The following ALDH1L2 variants were observed in gnomAD, a reference collection of about 807,000 sequenced individuals.
ALDH1L2 encodes the protein mitochondrial 10-formyltetrahydrofolate dehydrogenase.
In ALDH1L2, 91 loss-of-function variants were observed where a neutral mutation model predicts 111.0. The observed-to-expected ratio is 0.82, with a 90% CI of 0.69 to 0.98. The LOEUF (loss-of-function observed/expected upper bound fraction) is 0.98, where lower values mean the gene tolerates loss of function less well. ALDH1L2 is among the 50% of genes least tolerant of loss of function. The pLI, the probability that ALDH1L2 is intolerant of heterozygous loss-of-function variation, is 0.00. For synonymous variants in ALDH1L2, 374 were observed against 392.6 expected, an observed-to-expected ratio of 0.95 and a Z score of 0.56; for missense variants, 995 against 1,126.8, an observed-to-expected ratio of 0.88 and a Z score of 1.67.
intron 10 of ALDH1L2, among the ~76,000 whole-genome samples, chr12:105,053,912 A>G (rs527715030): frequency 1.3e-5 from 2 of 151,930 alleles, no homozygotes; most frequent in African/African-American, 2.4e-5. Flanking sequence ...GTAACAGAAG[A>G]CGTATTTCAT....
rs1875949787 is a variant in ALDH1L2 at position 105,046,826 on chromosome 12, A to G, written c.1758-11T>C. On this transcript the variant is annotated splice_polypyrimidine_tract_variant and intron_variant, in intron 14 of 22. Coordinates refer to ENST00000258494, the MANE Select transcript of ALDH1L2 (RefSeq NM_001034173.4). ...ATAATGGCACAGACACTGCAGGGGA[A>G]GAAATTCGACATGCTTAGTTGTTTC... is the stretch of plus-strand genomic sequence containing the variant. The G allele has an allele frequency of 3.1e-6, 5 of 1,613,670 alleles. No homozygotes were observed. The highest frequency in any genetic ancestry group is 1.3e-5 in the African/African-American group (1 of 75,026).
chr12:105,077,302 A>C (rs1452805153), intron 1 of ALDH1L2, among the ~76,000 whole-genome samples: 1 of 148,250 alleles, frequency 6.7e-6, no homozygotes, highest in East Asian at 2.0e-4. Context: ...ACAGAGTCTC[A>C]CTGTGTCACC....
chr12:105,067,215 CAAAAAAAA>C (rs11334156), intron 4 of ALDH1L2, among the ~76,000 whole-genome samples: 61 of 97,242 alleles, frequency 6.3e-4, no homozygotes, highest in African/African-American at 2.4e-3. Context: ...GACTCTGTCT[CAAAAAAAA>C]AAAAAAAAAA....
Position 105,071,675 on chromosome 12 carries a change from G to T in ALDH1L2, c.194-871C>A, listed in dbSNP as rs1163069355. On this transcript the variant is annotated intron_variant, in intron 2 of 22. Transcript: ENST00000258494. ...TTTTTTTTTTTTTTTTTTTTTTTGT[G>T]AGACGGAGTCTCGCTCTTTCGCCCA... 5.6e-3 allele frequency among the ~76,000 whole-genome samples: 84 copies of T among 14,914 alleles called. 9 individuals carry two copies. Among genetic ancestry groups the T allele is most frequent in the African/African-American group, 0.018 (79 of 4,272 alleles). The allele number at this position is 14,914 out of a possible 152,430, so 9.8% of individuals were successfully genotyped here.
At chr12:105,035,959 G>A (rs12828369) in intron 18 of ALDH1L2, among the ~76,000 whole-genome samples, 5 of 81,920 alleles carry the variant, frequency 6.1e-5, no homozygotes, top group East Asian at 1.1e-3. Flanking sequence ...ATATATATAC[G>A]TATATTTATA....
chr12:105,066,614 T>G lies in ALDH1L2; in HGVS notation c.650A>C (p.Glu217Ala). The G allele has an allele frequency of 1.2e-6, 2 of 1,614,166 alleles. No individual in the cohort carries two copies. Among genetic ancestry groups the G allele is most frequent in the Non-Finnish European group, 1.7e-6 (2 of 1,180,012 alleles). The change falls in exon 5 of 23, where the codon GAA becomes GCA. Residue 217 changes from glutamate to alanine, a missense_variant. Transcript: ENST00000258494. The part of the protein sequence containing the change: ...DGKAPRIPQP[E>A]EGATYEGIQK... ...GATACCTTCATATGTTGCCCCTTCT[T>G]CTGGCTGGGGTATACGAGGAGCTTT... is the stretch of plus-strand genomic sequence containing the variant.
intron 8 of ALDH1L2, among the ~76,000 whole-genome samples, 175 bp from the exon 9 acceptor site, chr12:105,061,247 G>A (rs2136090262): frequency 6.6e-6 from 1 of 152,214 alleles, no homozygotes; most frequent in African/African-American, 2.4e-5. Context: ...GAACAGGAGT[G>A]GAAGTGACCT....
intron 20 of ALDH1L2, 105 bp downstream of exon 20, chr12:105,031,664 A>G: frequency 6.8e-7 from 1 of 1,469,312 alleles, no homozygotes; most frequent in Non-Finnish European, 9.1e-7. Context: ...AATTTTTGGT[A>G]GAGATGAAGT....
At chr12:105,040,121 G>A (rs1380464741) in intron 16 of ALDH1L2, among the ~76,000 whole-genome samples, 15 of 79,644 alleles carry the variant, frequency 1.9e-4, no homozygotes, top group South Asian at 5.7e-4. Flanking sequence ...GTGAGACTCC[G>A]TCTCAAAAAA....
chr12:105,051,363 CCT>C (rs1876250351), intron 12 of ALDH1L2, among the ~76,000 whole-genome samples: 1 of 152,148 alleles, frequency 6.6e-6, no homozygotes, highest in Non-Finnish European at 1.5e-5. Flanking sequence ...TCCCTGGCTC[CCT>C]CGCTGATAGG....
At chr12:105,072,051 G>C (rs1218915265) in intron 2 of ALDH1L2, among the ~76,000 whole-genome samples, 2 of 150,980 alleles carry the variant, frequency 1.3e-5, no homozygotes, top group African/African-American at 4.9e-5. Context: ...GTGCCACTAC[G>C]CTCCAGCCTG....
At chr12:105,038,279 A>AACACACAC (rs555214940) in intron 17 of ALDH1L2, 77 bp from the exon 18 acceptor site, 30 of 246,848 alleles carry the variant, frequency 1.2e-4, no homozygotes, top group African/African-American at 6.3e-4. Context: ...CACACACACA[A>AACACACAC]ACACACACAC....
At chr12:105,048,316 A>G (rs923850463) in intron 13 of ALDH1L2, 1 of 152,222 alleles carries the variant, frequency 6.6e-6, no homozygotes, top group African/African-American at 2.4e-5. Context: ...GCCAGAGCTG[A>G]GACTTGACTC....
At chr12:105,039,361 G>A (rs1034342576) in intron 17 of ALDH1L2, among the ~76,000 whole-genome samples, 5 of 151,986 alleles carry the variant, frequency 3.3e-5, no homozygotes, top group African/African-American at 9.7e-5. Flanking sequence ...AATAATCCAG[G>A]TTTGTCATAT....
intron 15 of ALDH1L2, among the ~76,000 whole-genome samples, chr12:105,042,202 T>C (rs769749131): frequency 2.6e-5 from 4 of 152,218 alleles, no homozygotes; most frequent in African/African-American, 4.8e-5. Context: ...CTTTATCCGA[T>C]ATCTTAGGGT....
chr12:105,041,006 C>T lies in ALDH1L2; in HGVS notation c.1864-312G>A, dbSNP rs554090428. Among the ~76,000 whole-genome samples the T allele has an allele frequency of 3.7e-4, 56 of 152,232 alleles. No individual in the cohort carries two copies. The East Asian group carries it at 7.7e-3, about 21-fold the overall frequency. On this transcript the variant is annotated intron_variant, in intron 15 of 22. Transcript: ENST00000258494. ...TCTGTTTCTGAACTGTTTAAGAATA[C>T]GGTAAAGACATACCCCATACTTCTA...
At chr12:105,059,174 G>A (rs986850750) in intron 9 of ALDH1L2, among the ~76,000 whole-genome samples, 1 of 151,920 alleles carries the variant, frequency 6.6e-6, no homozygotes, top group Admixed American at 6.6e-5. Flanking sequence ...AGCTGAGGCA[G>A]GAGAATCGCT....
intron 21 of ALDH1L2, among the ~76,000 whole-genome samples, chr12:105,027,919 G>A (rs535590975): frequency 1.4e-4 from 22 of 152,260 alleles, no homozygotes; most frequent in Middle Eastern, 3.4e-3. Flanking sequence ...AATAGGTCCC[G>A]TGATTTCCCT....
chr12:105,037,579 G>C (rs1875233264), intron 18 of ALDH1L2, among the ~76,000 whole-genome samples: 1 of 152,022 alleles, frequency 6.6e-6, no homozygotes, highest in Non-Finnish European at 1.5e-5. Flanking sequence ...CTCATATCCT[G>C]TTTTAAAAAC....
Sources: gnomAD v4.1 joint callset for allele counts (sites outside exome capture counted in the v4.1 genomes callset) on GRCh38, gnomAD v4.1.1 for gene constraint, MANE v1.5 for transcripts, NCBI Gene and HGNC (gene_info 2026-07-23, HGNC 2026-07-21) for gene names.